Variants in GPHN observed in about 807,000 individuals in gnomAD.
GPHN encodes the protein gephyrin.
In GPHN, 17 loss-of-function variants were observed where a neutral mutation model predicts 95.5. The ratio of observed to expected loss-of-function variants is 0.18; its 90% CI spans 0.12 to 0.27. GPHN has a LOEUF of 0.27. Among genes scored for constraint, GPHN ranks in the 10% least tolerant of loss-of-function variants. GPHN has a pLI of 1.00. For missense variants in GPHN, 660 were observed against 978.1 expected (o/e 0.67, Z 4.34); for synonymous variants, 320 against 322.5 (o/e 0.99, Z 0.08).
chr14:67,279,030 G>T, the GPHN span: 2 of 746,298 alleles, frequency 2.7e-6, no homozygotes, highest in Admixed American at 3.7e-5. Flanking sequence ...TTCCTTCATG[G>T]ATACTTTTTC....
intron 17 of GPHN, among the ~76,000 whole-genome samples, chr14:67,132,350 A>G (rs1292143062): frequency 6.6e-6 from 1 of 152,190 alleles, no homozygotes; most frequent in Non-Finnish European, 1.5e-5. Context: ...TTAGATCTGA[A>G]TTTAATTGGT....
At chr14:67,137,003 A>T (rs1228065672) in intron 17 of GPHN, among the ~76,000 whole-genome samples, 1 of 152,106 alleles carries the variant, frequency 6.6e-6, no homozygotes, top group Non-Finnish European at 1.5e-5. Flanking sequence ...CTAAAAATAC[A>T]AAAAATTGCC....
chr14:67,015,344 A>C (rs958509796), intron 9 of GPHN, among the ~76,000 whole-genome samples: 2 of 152,182 alleles, frequency 1.3e-5, no homozygotes, highest in Non-Finnish European at 2.9e-5. Flanking sequence ...GATTTATAAA[A>C]TTGTTTTGCT....
At chr14:67,232,956 C>T in the GPHN span, among the ~76,000 whole-genome samples, 1 of 151,962 alleles carries the variant, frequency 6.6e-6, no homozygotes, top group Non-Finnish European at 1.5e-5. Flanking sequence ...TACACAGCTA[C>T]AAATTTAAAA....
chr14:67,386,370 G>A, the GPHN span: 3 of 152,230 alleles, frequency 2.0e-5, no homozygotes, highest in Non-Finnish European at 4.4e-5. Flanking sequence ...GCACTTTGAG[G>A]TATCCACTCC....
At chr14:66,902,825 T>C (rs947953502) in intron 5 of GPHN, among the ~76,000 whole-genome samples, 38 of 152,234 alleles carry the variant, frequency 2.5e-4, no homozygotes, top group Middle Eastern at 3.4e-3. Flanking sequence ...TTTCTCTTTT[T>C]GTTTTATCCT....
Position 66,563,687 on chromosome 14 carries a change from G to A in GPHN, c.64+55096G>A, listed in dbSNP as rs563269861. ...TCTAGTAGTTCATTTTCAGTATCCC[G>A]TCTGATTTACTACCATATCTTTGTG... On this transcript the variant is annotated intron_variant, in intron 1 of 22. Coordinates refer to ENST00000478722, the MANE Select transcript of GPHN (RefSeq NM_020806.5). 8.6e-5 allele frequency among the ~76,000 whole-genome samples: 13 copies of A among 152,020 alleles called. No individual in the cohort carries two copies. In the South Asian group the frequency reaches 1.5e-3, roughly 17 times the overall value.
intron 1 of GPHN, among the ~76,000 whole-genome samples, chr14:66,634,345 G>C: frequency 6.6e-6 from 1 of 151,962 alleles, no homozygotes; most frequent in Non-Finnish European, 1.5e-5. Flanking sequence ...CAATGGTGTA[G>C]TTTTTGTATG....
At chr14:66,691,458 C>T (rs540998190) in intron 2 of GPHN, among the ~76,000 whole-genome samples, 1 of 152,136 alleles carries the variant, frequency 6.6e-6, no homozygotes, top group Non-Finnish European at 1.5e-5. Flanking sequence ...GCTGGGATTA[C>T]AGGTGTGAGC....
chr14:66,657,478 G>A (rs1365451541), intron 1 of GPHN, among the ~76,000 whole-genome samples: 1 of 152,212 alleles, frequency 6.6e-6, no homozygotes, highest in East Asian at 1.9e-4. Flanking sequence ...GTAAGAAGAT[G>A]CCATCTAAGA....
the GPHN span, among the ~76,000 whole-genome samples, chr14:67,219,079 G>A: frequency 6.6e-6 from 1 of 151,990 alleles, no homozygotes; most frequent in African/African-American, 2.4e-5. Context: ...GTCTCAAGCA[G>A]CAGTTTGGCT....
chr14:66,665,600 A>G (rs1403673088), intron 1 of GPHN, among the ~76,000 whole-genome samples: 1 of 152,228 alleles, frequency 6.6e-6, no homozygotes, highest in Non-Finnish European at 1.5e-5. Flanking sequence ...TCAGGAAACA[A>G]CAAGTGCTGG....
intron 2 of GPHN, among the ~76,000 whole-genome samples, chr14:66,751,683 C>CTCTCCA (rs1329469059): frequency 6.6e-6 from 1 of 152,050 alleles, no homozygotes; most frequent in Non-Finnish European, 1.5e-5. Context: ...TGTGCAGAAA[C>CTCTCCA]TCTCCATTTG....
chr14:67,024,467 C>T (rs569973259), intron 10 of GPHN, among the ~76,000 whole-genome samples: 1 of 152,332 alleles, frequency 6.6e-6, no homozygotes, highest in South Asian at 2.1e-4. Context: ...AATAGGCCTA[C>T]TGATACTCAT....
At chr14:67,049,615 C>G (rs1271047566) in intron 10 of GPHN, among the ~76,000 whole-genome samples, 1 of 151,672 alleles carries the variant, frequency 6.6e-6, no homozygotes, top group Non-Finnish European at 1.5e-5. Flanking sequence ...TGGGTTCAAG[C>G]AATTCTTCTG....
chr14:67,372,899 G>C, the GPHN span, among the ~76,000 whole-genome samples: 1 of 151,928 alleles, frequency 6.6e-6, no homozygotes, highest in African/African-American at 2.4e-5. Flanking sequence ...CGAAAGTTTT[G>C]AATAGACACT....
chr14:66,973,743 G>C (rs1055199945), intron 9 of GPHN, among the ~76,000 whole-genome samples: 1 of 152,104 alleles, frequency 6.6e-6, no homozygotes, highest in African/African-American at 2.4e-5. Context: ...TGGTGACAGA[G>C]CAAGACTCTG....
At chr14:67,597,136 T>C in the GPHN span, among the ~76,000 whole-genome samples, 1 of 152,254 alleles carries the variant, frequency 6.6e-6, no homozygotes, top group South Asian at 2.1e-4. Flanking sequence ...AAGAATATTA[T>C]GAGACAGACC....
chr14:66,549,190 G>A (rs2140156901), intron 1 of GPHN, among the ~76,000 whole-genome samples: 1 of 152,138 alleles, frequency 6.6e-6, no homozygotes, highest in Non-Finnish European at 1.5e-5. Context: ...TAGTTTTGGG[G>A]TACATGTACA....
Sources: allele counts gnomAD v4.1 joint callset (sites outside exome capture counted in the v4.1 genomes callset), GRCh38; gene constraint gnomAD v4.1.1; transcripts MANE v1.5; gene names NCBI Gene and HGNC (gene_info 2026-07-23, HGNC 2026-07-21).